Variants in ALK observed in about 807,000 individuals in gnomAD.
ALK encodes ALK tyrosine kinase receptor.
A neutral mutation model predicts 163.1 loss-of-function variants in ALK; 74 were observed. The observed-to-expected ratio is 0.45, with a 90% CI of 0.38 to 0.55. The LOEUF (loss-of-function observed/expected upper bound fraction) is 0.55, where lower values mean the gene tolerates loss of function less well. Ranked by LOEUF, ALK falls within the 20% of genes least tolerant of loss-of-function variation. The pLI, the probability that ALK is intolerant of heterozygous loss-of-function variation, is 0.00. For missense variants in ALK, 2,063 were observed against 2,105.3 expected, an observed-to-expected ratio of 0.98 and a Z score of 0.39; for synonymous variants, 960 against 843.2, an observed-to-expected ratio of 1.14 and a Z score of -2.40.
Position 29,717,661 on chromosome 2 carries a change from G to GAAGGAT in ALK, c.703_704insATCCTT (p.Pro234_Ser235insTyrPro). ...CCATGTAAAATAATCAGGAGAAGGA[G>GAAGGAT]AAGGCATGTTTGTTGGTGATTCCAA... is the stretch of plus-strand genomic sequence containing the variant. On this transcript the variant is annotated inframe_insertion, in exon 2 of 29. Transcript: ENST00000389048. 1.2e-6 allele frequency: 2 copies of GAAGGAT among 1,614,006 alleles called. No homozygotes were observed. The highest frequency in any genetic ancestry group is 1.7e-6 in the Non-Finnish European group (2 of 1,179,844).
At chr2:29,746,067 T>C (rs1373540096) in intron 1 of ALK, among the ~76,000 whole-genome samples, 1 of 152,182 alleles carries the variant, frequency 6.6e-6, no homozygotes, top group African/African-American at 2.4e-5. Flanking sequence ...AACAACCCTG[T>C]GACATAGGTA....
chr2:29,861,328 A>G (rs1184881453), intron 1 of ALK, among the ~76,000 whole-genome samples: 1 of 152,216 alleles, frequency 6.6e-6, no homozygotes, highest in Non-Finnish European at 1.5e-5. Context: ...CAGATACTTG[A>G]AAAACAATAG....
At chr2:29,413,271 T>C (rs567957081) in intron 4 of ALK, among the ~76,000 whole-genome samples, 1 of 152,312 alleles carries the variant, frequency 6.6e-6, no homozygotes, top group East Asian at 1.9e-4. Flanking sequence ...TGTTTTACAG[T>C]AAACTCTTTT....
intron 11 of ALK, among the ~76,000 whole-genome samples, chr2:29,251,682 C>T (rs1407190730): frequency 2.6e-5 from 4 of 152,220 alleles, no homozygotes; most frequent in Non-Finnish European, 4.4e-5. Flanking sequence ...AGTCTCTCAC[C>T]GAGCCTAGCA....
At chr2:29,878,625 G>T (rs978545680) in intron 1 of ALK, among the ~76,000 whole-genome samples, 3 of 152,174 alleles carry the variant, frequency 2.0e-5, no homozygotes, top group Non-Finnish European at 4.4e-5. Flanking sequence ...CACTATTGGG[G>T]CTTAGAAATT....
At chr2:29,658,547 G>A (rs1467847427) in intron 3 of ALK, among the ~76,000 whole-genome samples, 2 of 152,170 alleles carry the variant, frequency 1.3e-5, no homozygotes, top group Admixed American at 6.6e-5. Context: ...GCAGTGGCTA[G>A]GTGTAACCCT....
chr2:29,735,713 C>A (rs907108255), intron 1 of ALK, among the ~76,000 whole-genome samples: 14 of 151,978 alleles, frequency 9.2e-5, no homozygotes, highest in African/African-American at 3.4e-4. Flanking sequence ...CGAGTGAATT[C>A]TTGTGAGATC....
At chr2:29,204,461 G>T (rs1477053862) in intron 26 of ALK, among the ~76,000 whole-genome samples, 1 of 152,138 alleles carries the variant, frequency 6.6e-6, no homozygotes, top group East Asian at 1.9e-4. Context: ...TTCCTCAATT[G>T]GGATTTGTCT....
intron 3 of ALK, among the ~76,000 whole-genome samples, chr2:29,555,537 CTGTT>C (rs1242830055): frequency 5.3e-5 from 8 of 152,178 alleles, no homozygotes; most frequent in South Asian, 4.1e-4. Context: ...AAATTGATGT[CTGTT>C]CTCTCCACCC....
At chr2:29,839,102 G>A (rs1400280460) in intron 1 of ALK, among the ~76,000 whole-genome samples, 1 of 151,978 alleles carries the variant, frequency 6.6e-6, no homozygotes, top group Non-Finnish European at 1.5e-5. Flanking sequence ...TGAAGTTCTA[G>A]GCCTGGTAGT....
In ALK at chr2:29,613,008, G is replaced by T. The variant is rs114743335; in HGVS notation, c.953-80892C>A. Among the ~76,000 whole-genome samples, 829 of 152,282 alleles carry T rather than the reference G, an allele frequency of 5.4e-3. 8 individuals carry two copies. The highest frequency in any genetic ancestry group is 0.018 in the African/African-American group (728 of 41,544). On this transcript the variant is annotated intron_variant, in intron 3 of 28. Transcript: ENST00000389048. ...TCCAGGCATACACACACCACGGGGG[G>T]TCTGAGTACAAAAGCAAAGGCACAA...
At chr2:29,872,456 C>T (rs1374645158) in intron 1 of ALK, among the ~76,000 whole-genome samples, 1 of 152,184 alleles carries the variant, frequency 6.6e-6, no homozygotes, top group Admixed American at 6.5e-5. Flanking sequence ...AATACAACAT[C>T]ATAGGTTAGC....
chr2:29,501,721 C>T (rs1322176283), intron 4 of ALK, among the ~76,000 whole-genome samples: 1 of 152,196 alleles, frequency 6.6e-6, no homozygotes, highest in Non-Finnish European at 1.5e-5. Context: ...CCAGCTCAAC[C>T]ATTTAAAGTA....
chr2:29,399,747 G>T (rs1182949587), intron 4 of ALK, among the ~76,000 whole-genome samples: 1 of 152,178 alleles, frequency 6.6e-6, no homozygotes, highest in Non-Finnish European at 1.5e-5. Context: ...CATGAGAGGG[G>T]CTTATATGTG....
intron 3 of ALK, among the ~76,000 whole-genome samples, chr2:29,635,338 G>T (rs966258568): frequency 1.3e-5 from 2 of 152,272 alleles, no homozygotes; most frequent in Non-Finnish European, 2.9e-5. Flanking sequence ...TGACAAGGGG[G>T]TATTAACCTA....
At chr2:29,702,865 G>C (rs1678786910) in intron 2 of ALK, among the ~76,000 whole-genome samples, 2 of 152,238 alleles carry the variant, frequency 1.3e-5, no homozygotes, top group Non-Finnish European at 2.9e-5. Flanking sequence ...ACGTCCCACT[G>C]GGTCTGTCCC....
chr2:29,280,339 AT>A (rs1199613455), intron 9 of ALK, among the ~76,000 whole-genome samples: 1 of 135,086 alleles, frequency 7.4e-6, no homozygotes, highest in Non-Finnish European at 1.6e-5. Context: ...AGGGGAGGTT[AT>A]GGTATATGCC....
intron 3 of ALK, among the ~76,000 whole-genome samples, chr2:29,588,965 C>A (rs886171847): frequency 6.6e-6 from 1 of 152,120 alleles, no homozygotes; most frequent in Non-Finnish European, 1.5e-5. Context: ...GCCCCTCGCT[C>A]CCCTCCGGGG....
intron 1 of ALK, among the ~76,000 whole-genome samples, chr2:29,853,344 A>C (rs1666054288): frequency 1.3e-5 from 2 of 152,084 alleles, no homozygotes; most frequent in Non-Finnish European, 2.9e-5. Flanking sequence ...AGTAAATGAC[A>C]CCTTGATTTT....
Sources: allele counts gnomAD v4.1 joint callset (sites outside exome capture counted in the v4.1 genomes callset), GRCh38; gene constraint gnomAD v4.1.1; transcripts MANE v1.5; gene names NCBI Gene and HGNC (gene_info 2026-07-23, HGNC 2026-07-21).